The following KDM5B variants were observed in gnomAD, a reference collection of about 807,000 sequenced individuals.
KDM5B encodes lysine demethylase 5B.
In KDM5B, 144 loss-of-function variants were observed where a neutral mutation model predicts 193.4. That is an observed-to-expected ratio of 0.74 (90% CI 0.65 to 0.86). The LOEUF is 0.86. KDM5B is among the 40% of genes least tolerant of loss of function. KDM5B has a pLI of 0.00. For synonymous variants in KDM5B, 668 were observed against 682.6 expected (o/e 0.98, Z 0.33); for missense variants, 1,833 against 1,886.9 (o/e 0.97, Z 0.53).
In KDM5B at chr1:202,727,611, A is replaced by G. The variant is rs987558106; in HGVS notation, c.*1425T>C. ...GGTAAGCAAAAGTCTGGTCACCAGA[A>G]TGTCTTCTCCACTGCAGAACAGACC... On this transcript the variant is annotated 3_prime_UTR_variant, in exon 27 of 27. Transcript: ENST00000367265. 1 of 152,732 alleles carries G rather than the reference A, an allele frequency of 6.5e-6. No individual in the cohort carries two copies. The highest frequency in any genetic ancestry group is 2.4e-5 in the African/African-American group (1 of 41,460). The allele number at this position is 152,732 out of a possible 1,614,324, so 9.5% of individuals were successfully genotyped here. A position where few individuals can be genotyped will look rare whatever the true frequency, so the allele number is the denominator to read the frequency against.
At position 202,742,497 on chromosome 1, in the gene KDM5B, G is replaced by T. The variant is rs200410438; in HGVS notation, c.2483C>A (p.Ser828Tyr). Residue 828 changes from serine (S) to tyrosine (Y), a missense_variant, in exon 18 of 27, where the codon TCT becomes TAT. Physicochemically the swap from Ser to Tyr is moderately radical, Grantham distance 144 (BLOSUM62 -2). Around this residue, in one of 3 missense-constraint regions of KDM5B, gnomAD observed 1,379 missense variants for 1,349.6 expected, o/e 1.02. Transcript: ENST00000367265. ...LNGKRQTRYR[S>Y]GGGKSQNQLT... ...CTGATTTTGGGATTTCCCTCCACCA[G>T]ATCGATATCTGTAAAGACAAAGGCC... The T allele has an allele frequency of 1.2e-4, 186 of 1,613,666 alleles. No homozygotes were observed. Among genetic ancestry groups the T allele is most frequent in the Non-Finnish European group, 1.5e-4 (176 of 1,179,876 alleles).
At chr1:202,748,510 T>TAA (rs35471222) in intron 14 of KDM5B, among the ~76,000 whole-genome samples, 102 of 145,304 alleles carry the variant, frequency 7.0e-4, no homozygotes, top group Admixed American at 1.3e-3. Flanking sequence ...CTATCTGATT[T>TAA]AAAAAAAAAA....
chr1:202,766,084 T>C (rs1344218798), intron 5 of KDM5B, among the ~76,000 whole-genome samples: 1 of 152,246 alleles, frequency 6.6e-6, no homozygotes, highest in African/African-American at 2.4e-5. Flanking sequence ...ATGCATGGCA[T>C]GCATCTGTAG....
chr1:202,745,780 G>GT, intron 16 of KDM5B, 78 bp downstream of exon 16: 1 of 1,526,470 alleles, frequency 6.6e-7, no homozygotes, highest in South Asian at 1.1e-5. Flanking sequence ...TTCAAGAAAT[G>GT]TTTTGTTGAC....
rs191058325 is a variant in KDM5B at position 202,785,806 on chromosome 1, A to G, written c.205-8712T>C. 9.1e-4 allele frequency among the ~76,000 whole-genome samples: 139 copies of G among 152,102 alleles called. 1 individual carries two copies. The East Asian group carries it at 0.017, about 19-fold the overall frequency. On this transcript the variant is annotated intron_variant, in intron 1 of 26. Transcript: ENST00000367265. ...ACACCTGTAGTCTCAGCTACTCAGA[A>G]GGCAGAGCACGAGAATTGCTTGAAC...
intron 1 of KDM5B, among the ~76,000 whole-genome samples, chr1:202,803,932 TA>T (rs1658181234): frequency 8.8e-6 from 1 of 113,040 alleles, no homozygotes; most frequent in Non-Finnish European, 1.7e-5. Flanking sequence ...AAAAGGTAGT[TA>T]GGGGTCGGGG....
chr1:202,739,954 A>G (rs1022215792), intron 20 of KDM5B, among the ~76,000 whole-genome samples: 3 of 152,066 alleles, frequency 2.0e-5, no homozygotes, highest in Admixed American at 2.0e-4. Flanking sequence ...CAAAACCGCC[A>G]TTGTCATCCC....
At chr1:202,769,988 C>A (rs559230679) in intron 4 of KDM5B, among the ~76,000 whole-genome samples, 1 of 152,240 alleles carries the variant, frequency 6.6e-6, no homozygotes, top group East Asian at 1.9e-4. Flanking sequence ...AATTCAGATG[C>A]TATATACGTG....
intron 1 of KDM5B, among the ~76,000 whole-genome samples, chr1:202,803,939 C>T (rs1172315449): frequency 9.4e-6 from 1 of 105,838 alleles, no homozygotes; most frequent in African/African-American, 3.9e-5. Flanking sequence ...AGTTAGGGGT[C>T]GGGGGAGGGG....
chr1:202,806,761 A>T (rs1658309064), intron 1 of KDM5B: 2 of 152,198 alleles, frequency 1.3e-5, no homozygotes, highest in Non-Finnish European at 2.9e-5. Context: ...ATGTCATTAC[A>T]AAAAGCAAGC....
At chr1:202,758,027 C>CA (rs887539751) in intron 9 of KDM5B, among the ~76,000 whole-genome samples, 4 of 152,126 alleles carry the variant, frequency 2.6e-5, no homozygotes, top group Non-Finnish European at 5.9e-5. Flanking sequence ...CAATATACAA[C>CA]AAATGTGTTC....
At chr1:202,736,419 G>C (rs1275189469) in intron 20 of KDM5B, 27 bp from the exon 21 acceptor site, 1 of 1,504,700 alleles carries the variant, frequency 6.6e-7, no homozygotes, top group Non-Finnish European at 8.9e-7. Flanking sequence ...AATTACAGCA[G>C]TTTAGAGAAA....
chr1:202,798,041 A>G (rs1320883294), intron 1 of KDM5B, among the ~76,000 whole-genome samples: 1 of 152,096 alleles, frequency 6.6e-6, no homozygotes, highest in African/African-American at 2.4e-5. Context: ...ATAAATACAA[A>G]AACTAGCTGG....
Position 202,728,946 on chromosome 1 carries a change from C to A in KDM5B, c.*90G>T. The A allele has an allele frequency of 6.8e-7, 1 of 1,472,266 alleles. No homozygotes were observed. The highest frequency in any genetic ancestry group is 1.7e-5 in the Admixed American group (1 of 59,194). 91.2% of individuals were successfully genotyped at this position (1,472,266 alleles called of 1,614,324 possible). A position where few individuals can be genotyped will look rare whatever the true frequency, so the allele number is the denominator to read the frequency against. On this transcript the variant is annotated 3_prime_UTR_variant, in exon 27 of 27. Transcript: ENST00000367265. ...CACCGTTTACAGGCTGGCTTGAGTA[C>A]CAGTCCTGTAGCTTTGCTGAGATTT...
In KDM5B at chr1:202,777,014, T is replaced by G; in HGVS notation, c.282+3A>C. On this transcript the variant is annotated splice_donor_region_variant and intron_variant, in intron 2 of 26. Transcript: ENST00000367265. ...GCAAACAGAACAATAGTGAAGACATTACCTCCAATTCATTCAGTCTCTGGA... is the reference window on the plus strand; with the variant it reads ...GCAAACAGAACAATAGTGAAGACATGACCTCCAATTCATTCAGTCTCTGGA... The G allele has an allele frequency of 6.3e-7, 1 of 1,594,866 alleles. No individual in the cohort carries two copies. Among genetic ancestry groups the G allele is most frequent in the Non-Finnish European group, 8.6e-7 (1 of 1,162,586 alleles).
At chr1:202,729,483 G>C (rs1654794094) in intron 26 of KDM5B, 1 of 594,516 alleles carries the variant, frequency 1.7e-6, no homozygotes, top group Non-Finnish European at 3.0e-6. Flanking sequence ...AGCTGGAAGA[G>C]CAAGAAAAGG....
At chr1:202,784,632 C>A (rs1183096604) in intron 1 of KDM5B, among the ~76,000 whole-genome samples, 2 of 152,166 alleles carry the variant, frequency 1.3e-5, no homozygotes, top group African/African-American at 2.4e-5. Flanking sequence ...ATTATAAACT[C>A]CTATAAAAGA....
chr1:202,741,244 G>T, intron 19 of KDM5B, 123 bp downstream of exon 19: 1 of 579,154 alleles, frequency 1.7e-6, no homozygotes, highest in Non-Finnish European at 2.8e-6. Context: ...ATTTCTACAT[G>T]TCTTCCACAT....
chr1:202,732,708 G>C (rs1026247303), intron 23 of KDM5B, among the ~76,000 whole-genome samples: 1 of 152,022 alleles, frequency 6.6e-6, no homozygotes, highest in Non-Finnish European at 1.5e-5. Flanking sequence ...GAGAGTTGTG[G>C]TATCTCTGGT....
Sources: allele counts gnomAD v4.1 joint callset (sites outside exome capture counted in the v4.1 genomes callset), GRCh38; gene constraint gnomAD v4.1.1; regional missense constraint gnomAD v4.1.1; transcripts MANE v1.5; gene names NCBI Gene and HGNC (gene_info 2026-07-23, HGNC 2026-07-21).